The following CPPED1 variants were observed in gnomAD, a reference collection of about 807,000 sequenced individuals.
The protein encoded by CPPED1 is serine/threonine-protein phosphatase CPPED1.
CPPED1 carries 28 observed loss-of-function variants against 28.0 expected under a neutral mutation model. The ratio of observed to expected loss-of-function variants is 1.00; its 90% confidence interval spans 0.74 to 1.37. The LOEUF is 1.37. Among genes scored for constraint, CPPED1 ranks in the 40% most tolerant of loss-of-function variants. The pLI is 0.00. For synonymous variants in CPPED1, 198 were observed against 180.2 expected (o/e 1.10, Z -0.79); for missense variants, 504 against 416.5 (o/e 1.21, Z -1.83).
chr16:12,717,932 G>A (rs1471981182), intron 2 of CPPED1, among the ~76,000 whole-genome samples: 1 of 152,192 alleles, frequency 6.6e-6, no homozygotes, highest in Non-Finnish European at 1.5e-5. Flanking sequence ...GTGAGCCACT[G>A]CACCCGACTT....
intron 3 of CPPED1, among the ~76,000 whole-genome samples, chr16:12,669,357 G>A (rs924827306): frequency 5.3e-5 from 8 of 152,160 alleles, no homozygotes; most frequent in Non-Finnish European, 1.0e-4. Flanking sequence ...GCTGACAGGT[G>A]CAGGGTTTCT....
intron 2 of CPPED1, among the ~76,000 whole-genome samples, chr16:12,717,112 A>G (rs751598809): frequency 2.6e-5 from 4 of 151,982 alleles, no homozygotes; most frequent in Non-Finnish European, 5.9e-5. Context: ...GGAGAGGTTT[A>G]AAAAAAAGAC....
chr16:12,720,246 C>T (rs141284217), intron 2 of CPPED1: 1 of 154,346 alleles, frequency 6.5e-6, no homozygotes, highest in East Asian at 1.9e-4. Flanking sequence ...TGGGACCAGG[C>T]CTTTTTCAGC....
chr16:12,663,143 C>T lies in CPPED1; in HGVS notation c.*1743G>A, dbSNP rs1430887710. ...GTGGCATGATCTTGGCTCACTGCAA[C>T]CTCTGCCTCCTGAGTTCCAGCGATC... On this transcript the variant is annotated 3_prime_UTR_variant, in exon 4 of 4. Coordinates refer to ENST00000381774, the MANE Select transcript of CPPED1 (RefSeq NM_018340.3). 6.7e-6 allele frequency: 1 copy of T among 150,086 alleles called. No homozygotes were observed. The highest frequency in any genetic ancestry group is 1.5e-5 in the Non-Finnish European group (1 of 67,946). The allele number at this position is 150,086 out of a possible 1,614,324, so 9.3% of individuals were successfully genotyped here.
intron 3 of CPPED1, among the ~76,000 whole-genome samples, chr16:12,667,176 A>G (rs2079830214): frequency 6.6e-6 from 1 of 152,192 alleles, no homozygotes; most frequent in African/African-American, 2.4e-5. Context: ...CTGAAATGAA[A>G]AATTCTGCTG....
At chr16:12,760,724 TAAGTA>T (rs1192051619) in intron 2 of CPPED1, 3 of 152,306 alleles carry the variant, frequency 2.0e-5, no homozygotes, top group South Asian at 2.1e-4. Flanking sequence ...AATTTACTGA[TAAGTA>T]AAGTTTTAAA....
intron 3 of CPPED1, among the ~76,000 whole-genome samples, chr16:12,700,289 G>A (rs573342262): frequency 6.6e-6 from 1 of 152,336 alleles, no homozygotes; most frequent in Non-Finnish European, 1.5e-5. Context: ...GTGGGAGGGG[G>A]TGCTTGGGAA....
At chr16:12,707,877 T>G (rs980777055) in intron 2 of CPPED1, among the ~76,000 whole-genome samples, 3 of 152,134 alleles carry the variant, frequency 2.0e-5, no homozygotes, top group African/African-American at 7.2e-5. Flanking sequence ...CAGGGCGTAC[T>G]GATGCATGCC....
At chr16:12,760,466 C>T (rs1181246642) in intron 2 of CPPED1, 3 of 152,328 alleles carry the variant, frequency 2.0e-5, no homozygotes, top group African/African-American at 7.2e-5. Context: ...CTACTGGAAT[C>T]CGGGGACTGC....
chr16:12,779,538 G>A (rs2080517412), intron 2 of CPPED1, among the ~76,000 whole-genome samples: 1 of 151,970 alleles, frequency 6.6e-6, no homozygotes, highest in Non-Finnish European at 1.5e-5. Flanking sequence ...ACAGGTGCCT[G>A]CCACCACACC....
At chr16:12,734,490 C>T (rs1297942826) in intron 2 of CPPED1, among the ~76,000 whole-genome samples, 1 of 152,148 alleles carries the variant, frequency 6.6e-6, no homozygotes, top group Non-Finnish European at 1.5e-5. Context: ...CACCATTCTC[C>T]TGCCTCAGCC....
rs1484135464 is a variant in CPPED1 at position 12,661,889 on chromosome 16, G to C, written c.*2997C>G. On this transcript the variant is annotated 3_prime_UTR_variant, in exon 4 of 4. Transcript: ENST00000381774. ...TTGCAGAGCTGGGAGGAAATCCCTGGGCCTCCAGCTAACGCTGTCCAAGGT... is the reference window on the plus strand; with the variant it reads ...TTGCAGAGCTGGGAGGAAATCCCTGCGCCTCCAGCTAACGCTGTCCAAGGT... The C allele has an allele frequency of 6.6e-6, 1 of 152,354 alleles. No individual in the cohort carries two copies. Among genetic ancestry groups the C allele is most frequent in the Non-Finnish European group, 1.5e-5 (1 of 68,164 alleles). The allele number at this position is 152,354 out of a possible 1,614,324, so 9.4% of individuals were successfully genotyped here. A position where few individuals can be genotyped will look rare whatever the true frequency, so the allele number is the denominator to read the frequency against.
intron 1 of CPPED1, among the ~76,000 whole-genome samples, chr16:12,791,464 AC>A (rs2080596187): frequency 6.6e-6 from 1 of 152,164 alleles, no homozygotes; most frequent in South Asian, 2.1e-4. Context: ...TAATTTTGCC[AC>A]CATCATCCCT....
chr16:12,771,485 C>A (rs934161993), intron 2 of CPPED1, among the ~76,000 whole-genome samples: 2 of 152,220 alleles, frequency 1.3e-5, no homozygotes, highest in African/African-American at 2.4e-5. Context: ...GACACACACA[C>A]CCCCACTGCC....
intron 1 of CPPED1, among the ~76,000 whole-genome samples, chr16:12,795,334 G>A (rs2080621082): frequency 6.6e-6 from 1 of 152,136 alleles, no homozygotes; most frequent in African/African-American, 2.4e-5. Flanking sequence ...ACAGCCACCT[G>A]GTGTAGTCAT....
rs2079909644 is a variant in CPPED1, at chr16:12,682,359, G to A, written c.716-17244C>T. ...CCCCTTTATTACTTTTCTACATGGG[G>A]GGCTATGCTCAACTTTTTATTTTTT... On this transcript the variant is annotated intron_variant, in intron 3 of 3. Transcript: ENST00000381774. This position sits in a 1 kb window ranked among gnomAD's most constrained non-coding sequence, Gnocchi z 6.1. Among the ~76,000 whole-genome samples, 1 of 152,038 alleles carries A rather than the reference G, an allele frequency of 6.6e-6. No individual in the cohort carries two copies. The highest frequency in any genetic ancestry group is 2.4e-5 in the African/African-American group (1 of 41,366).
intron 1 of CPPED1, among the ~76,000 whole-genome samples, chr16:12,795,669 T>C (rs1376103841): frequency 1.3e-5 from 2 of 152,238 alleles, no homozygotes; most frequent in Non-Finnish European, 2.9e-5. Flanking sequence ...ATCAACACCT[T>C]GGTCTCAGCT....
At chr16:12,681,036 C>A (rs1638938667) in intron 3 of CPPED1, among the ~76,000 whole-genome samples, 1 of 152,024 alleles carries the variant, frequency 6.6e-6, no homozygotes, top group Non-Finnish European at 1.5e-5. Flanking sequence ...AGCAATGGCC[C>A]AGTTGTCAAA....
chr16:12,781,072 C>T (rs1208945630), intron 2 of CPPED1, 113 bp downstream of exon 2: 10 of 796,828 alleles, frequency 1.3e-5, no homozygotes, highest in Admixed American at 7.5e-5. Flanking sequence ...AGCGAAAGAA[C>T]GGTCCATGAC....
Sources: gnomAD v4.1 joint callset for allele counts (sites outside exome capture counted in the v4.1 genomes callset) on GRCh38, gnomAD v4.1.1 for gene constraint, Gnocchi (gnomAD v3.1) non-coding constraint, MANE v1.5 for transcripts, NCBI Gene and HGNC (gene_info 2026-07-23, HGNC 2026-07-21) for gene names.